PAN3: variants seen among roughly 807,000 people sequenced by gnomAD.
PAN3 encodes the protein poly(A) specific ribonuclease subunit PAN3.
Under a neutral mutation model 96.2 loss-of-function variants are expected in PAN3, and 19 were observed. That is an observed-to-expected ratio of 0.20 (90% CI 0.14 to 0.29). PAN3 has a LOEUF of 0.29. Among genes scored for constraint, PAN3 ranks in the 10% least tolerant of loss-of-function variants. The pLI is 1.00. For synonymous variants in PAN3, 433 were observed against 406.6 expected, an observed-to-expected ratio of 1.06 and a Z score of -0.78; for missense variants, 882 against 1,108.1, an observed-to-expected ratio of 0.80 and a Z score of 2.90.
At chr13:28,277,001 G>T (rs1420516088) in intron 14 of PAN3, among the ~76,000 whole-genome samples, 1 of 152,026 alleles carries the variant, frequency 6.6e-6, no homozygotes, top group African/African-American at 2.4e-5. Flanking sequence ...GAATTACCTG[G>T]GTGCTTTAAA....
intron 1 of PAN3, among the ~76,000 whole-genome samples, chr13:28,145,811 G>A (rs951274784): frequency 3.4e-5 from 5 of 147,068 alleles, no homozygotes; most frequent in Non-Finnish European, 7.4e-5. Flanking sequence ...CCAGGCTGGA[G>A]TGCAGTGGCG....
At chr13:28,240,494 G>C (rs1883556421) in intron 6 of PAN3, among the ~76,000 whole-genome samples, 1 of 152,032 alleles carries the variant, frequency 6.6e-6, no homozygotes, top group African/African-American at 2.4e-5. Flanking sequence ...TTGAAAGTTG[G>C]GATGGTTGAA....
Position 28,274,536 on chromosome 13 carries a change from A to T in PAN3, c.2049+2465A>T, listed in dbSNP as rs1886903189. Reference sequence around the variant, plus strand: ...TGCACACGCTCCTCATTCTTTTCTCAGTAGGGTTCCTTTTCAAGTATGTTA... The same window carrying T: ...TGCACACGCTCCTCATTCTTTTCTCTGTAGGGTTCCTTTTCAAGTATGTTA... On this transcript the variant is annotated intron_variant, in intron 14 of 18. Coordinates refer to ENST00000380958, the MANE Select transcript of PAN3 (RefSeq NM_175854.8). Among the ~76,000 whole-genome samples, 2 of 151,452 alleles carry T rather than the reference A, an allele frequency of 1.3e-5. 1 individual carries two copies. The highest frequency in any genetic ancestry group is 4.2e-4 in the South Asian group (2 of 4,816).
chr13:28,262,482 A>C (rs557680411), intron 9 of PAN3, among the ~76,000 whole-genome samples: 99 of 152,316 alleles, frequency 6.5e-4, no homozygotes, highest in African/African-American at 2.3e-3. Context: ...TGGCTGTTAC[A>C]CCTTAAGATG....
intron 14 of PAN3, among the ~76,000 whole-genome samples, chr13:28,276,429 C>T (rs1887064419): frequency 1.3e-5 from 2 of 152,294 alleles, no homozygotes; most frequent in South Asian, 2.1e-4. Flanking sequence ...TCCTACCAAT[C>T]AGGGCCACTT....
chr13:28,280,233 T>C (rs942938287), intron 15 of PAN3, among the ~76,000 whole-genome samples, 179 bp from the exon 16 acceptor site: 8 of 152,260 alleles, frequency 5.3e-5, no homozygotes, highest in African/African-American at 1.7e-4. Context: ...CATTGGCTGT[T>C]ACAGTTTTCC....
In PAN3 at chr13:28,228,118, T is replaced by A. The variant is rs1051791768; in HGVS notation, c.1000+7740T>A. Reference sequence around the variant, plus strand: ...GTGATACCCAGAGCAATGTGCCTACTCAGTGGAGAAGATAGTATTTGTGTG... The same window carrying A: ...GTGATACCCAGAGCAATGTGCCTACACAGTGGAGAAGATAGTATTTGTGTG... On this transcript the variant is annotated intron_variant, in intron 6 of 18. Coordinates refer to ENST00000380958, the MANE Select transcript of PAN3 (RefSeq NM_175854.8). Among the ~76,000 whole-genome samples the A allele has an allele frequency of 8.5e-5, 13 of 152,352 alleles. No individual in the cohort carries two copies. In the South Asian group the frequency reaches 1.7e-3, roughly 19 times the overall value.
chr13:28,149,778 A>C (rs933163718), intron 1 of PAN3, among the ~76,000 whole-genome samples: 1 of 151,988 alleles, frequency 6.6e-6, no homozygotes, highest in South Asian at 2.1e-4. Flanking sequence ...ACCACACCTG[A>C]CTAATTTTTT....
At chr13:28,176,706 T>TCA in intron 3 of PAN3, 147 bp downstream of exon 3, 2 of 793,164 alleles carry the variant, frequency 2.5e-6, no homozygotes, top group Non-Finnish European at 4.0e-6. Context: ...CAGATCTAAC[T>TCA]ATTGAGATTT....
chr13:28,240,680 T>G (rs1290195524), intron 6 of PAN3, among the ~76,000 whole-genome samples: 2 of 152,240 alleles, frequency 1.3e-5, no homozygotes, highest in Admixed American at 6.5e-5. Context: ...AGCTGCATGA[T>G]TCTTATTACC....
intron 5 of PAN3, among the ~76,000 whole-genome samples, chr13:28,202,559 G>GA (rs778806027): frequency 3.3e-4 from 50 of 152,052 alleles, no homozygotes; most frequent in Non-Finnish European, 6.3e-4. Context: ...AACTGAGCCT[G>GA]AAAAATCTTC....
At chr13:28,176,375 T>C in intron 2 of PAN3, 118 bp from the exon 3 acceptor site, 1 of 873,146 alleles carries the variant, frequency 1.1e-6, no homozygotes, top group Admixed American at 2.0e-5. Context: ...GATTAGATTG[T>C]CAGTAATGTG....
At chr13:28,139,847 C>T (rs918567774) in intron 1 of PAN3, among the ~76,000 whole-genome samples, 2 of 152,116 alleles carry the variant, frequency 1.3e-5, no homozygotes, top group Non-Finnish European at 2.9e-5. Flanking sequence ...AGCATTGTGT[C>T]TTGAATGCAT....
At chr13:28,274,495 TAAA>T (rs779861154) in intron 14 of PAN3, among the ~76,000 whole-genome samples, 1 of 142,340 alleles carries the variant, frequency 7.0e-6, no homozygotes, top group Admixed American at 7.0e-5. Context: ...GTGTCTGCAT[TAAA>T]AAAAAAAAAA....
intron 7 of PAN3, among the ~76,000 whole-genome samples, chr13:28,259,131 A>AT (rs546959673): frequency 0.1 from 14,841 of 144,828 alleles, 1,008 homozygotes; most frequent in African/African-American, 0.19. Context: ...TTCTCATTAG[A>AT]TTTTTTTTTT....
intron 1 of PAN3, among the ~76,000 whole-genome samples, chr13:28,170,765 G>A (rs943709505): frequency 1.3e-5 from 2 of 151,570 alleles, no homozygotes; most frequent in Non-Finnish European, 2.9e-5. Context: ...TGTAAAGAAA[G>A]TCATAAGATA....
chr13:28,243,025 T>G (rs74859735), intron 6 of PAN3, among the ~76,000 whole-genome samples: 1,557 of 152,332 alleles, frequency 0.01, 25 homozygotes, highest in African/African-American at 0.035. Context: ...TTGGTCACCC[T>G]GATAAACTCT....
chr13:28,289,316 C>T (rs1441319746), intron 18 of PAN3, among the ~76,000 whole-genome samples: 2 of 152,006 alleles, frequency 1.3e-5, no homozygotes, highest in Admixed American at 1.3e-4. Flanking sequence ...GATCTGTCAC[C>T]CAGGCTATAG....
At chr13:28,241,765 T>G (rs1883686458) in intron 6 of PAN3, among the ~76,000 whole-genome samples, 1 of 152,170 alleles carries the variant, frequency 6.6e-6, no homozygotes, top group South Asian at 2.1e-4. Flanking sequence ...GAATAAGTAT[T>G]TGTAGTAGTA....
Sources: gnomAD v4.1 joint callset for allele counts (sites outside exome capture counted in the v4.1 genomes callset) on GRCh38, gnomAD v4.1.1 for gene constraint, MANE v1.5 for transcripts, NCBI Gene and HGNC (gene_info 2026-07-23, HGNC 2026-07-21) for gene names.